The following SLC1A3 variants were observed in gnomAD, a reference collection of about 807,000 sequenced individuals.
The protein encoded by SLC1A3 is excitatory amino acid transporter 1.
SLC1A3 carries 21 observed loss-of-function variants against 48.1 expected under a neutral mutation model. The observed-to-expected ratio is 0.44, with a 90% CI of 0.31 to 0.63. The LOEUF is 0.63. SLC1A3 is among the 20% of genes least tolerant of loss of function. The probability of loss-of-function intolerance (pLI) is 0.08; values close to 1 mark genes in which losing one functional copy is unlikely to be tolerated. For missense variants in SLC1A3, 546 were observed against 689.0 expected (o/e 0.79, Z 2.32); for synonymous variants, 239 against 251.4 (o/e 0.95, Z 0.47).
intron 3 of SLC1A3, among the ~76,000 whole-genome samples, chr5:36,651,140 T>G (rs865924748): frequency 0.011 from 565 of 52,372 alleles, 6 homozygotes; most frequent in African/African-American, 0.038. Flanking sequence ...TAAGTTTTTT[T>G]TAAAAAAAAA....
chr5:36,627,542 T>C (rs1009364474), intron 2 of SLC1A3, among the ~76,000 whole-genome samples: 1 of 151,600 alleles, frequency 6.6e-6, no homozygotes, highest in African/African-American at 2.4e-5. Flanking sequence ...ATATTCATCA[T>C]GATATGCTTC....
chr5:36,627,833 T>C (rs1424672635), intron 2 of SLC1A3, among the ~76,000 whole-genome samples: 4 of 152,228 alleles, frequency 2.6e-5, no homozygotes, highest in Non-Finnish European at 5.9e-5. Flanking sequence ...TGTCTGTTTT[T>C]AAATCCTAGC....
chr5:36,608,780 A>G, intron 2 of SLC1A3, 176 bp downstream of exon 2: 1 of 1,432,100 alleles, frequency 7.0e-7, no homozygotes, highest in Admixed American at 2.9e-5. Flanking sequence ...GTTTGGAGCA[A>G]TATATAGTAA....
intron 9 of SLC1A3, among the ~76,000 whole-genome samples, chr5:36,684,270 G>A (rs562356226): frequency 4.6e-5 from 7 of 152,334 alleles, no homozygotes; most frequent in Middle Eastern, 3.4e-3. Context: ...TGGGAAACCC[G>A]CTGTCTGCAA....
intron 6 of SLC1A3, among the ~76,000 whole-genome samples, chr5:36,679,388 G>T (rs1474504232): frequency 6.6e-6 from 1 of 152,158 alleles, no homozygotes; most frequent in South Asian, 2.1e-4. Flanking sequence ...GCAATTCTCA[G>T]TGAGGGGAAA....
intron 3 of SLC1A3, chr5:36,666,393 CTAAAA>C (rs895573465): frequency 5.9e-5 from 9 of 152,154 alleles, no homozygotes; most frequent in African/African-American, 2.2e-4. Context: ...AGGGGTACAT[CTAAAA>C]TAAAATAAAA....
intron 3 of SLC1A3, among the ~76,000 whole-genome samples, chr5:36,644,616 C>T (rs1297042227): frequency 6.6e-6 from 1 of 152,078 alleles, no homozygotes; most frequent in Non-Finnish European, 1.5e-5. Flanking sequence ...AAAAATAAGG[C>T]AGATATAAAT....
chr5:36,609,894 A>G (rs961489044), intron 2 of SLC1A3, among the ~76,000 whole-genome samples: 1 of 152,064 alleles, frequency 6.6e-6, no homozygotes, highest in African/African-American at 2.4e-5. Flanking sequence ...CTCATTTGTC[A>G]CTCTGAATCA....
chr5:36,604,865 C>A (rs1738861254), upstream of SLC1A3, among the ~76,000 whole-genome samples: 2 of 130,586 alleles, frequency 1.5e-5, no homozygotes, highest in South Asian at 5.2e-4. Flanking sequence ...AGTTCCCTTG[C>A]AATACAAGTC....
intron 3 of SLC1A3, among the ~76,000 whole-genome samples, chr5:36,640,679 G>A (rs1272338028): frequency 6.6e-6 from 1 of 152,144 alleles, no homozygotes; most frequent in Admixed American, 6.5e-5. Context: ...TAAAAGAAGA[G>A]TAAGATGATC....
rs753379642 is a variant in SLC1A3 at position 36,680,473 on chromosome 5, C to G, written c.1173C>G (p.Leu391=). The change falls in exon 8 of 10, where the codon CTC becomes CTG. Residue 391 remains leucine, a synonymous_variant. Transcript: ENST00000265113. The stretch of plus-strand genomic sequence containing the variant: ...ACAAGCGCGTCACCAGATTCGTGCT[C>G]CCCGTAGGAGCCACCATTAACATGG... ...GVDKRVTRFV[L]PVGATINMDG... 2 of 1,614,174 alleles carry G rather than the reference C, an allele frequency of 1.2e-6. No homozygotes were observed. Among genetic ancestry groups the G allele is most frequent in the East Asian group, 2.2e-5 (1 of 44,882 alleles).
At chr5:36,659,211 A>G (rs573238433) in intron 3 of SLC1A3, among the ~76,000 whole-genome samples, 1 of 152,316 alleles carries the variant, frequency 6.6e-6, no homozygotes, top group Admixed American at 6.5e-5. Context: ...GCCACTTATT[A>G]GCTGTGTGAT....
intron 3 of SLC1A3, among the ~76,000 whole-genome samples, chr5:36,644,191 G>A (rs771599109): frequency 3.3e-5 from 5 of 151,746 alleles, no homozygotes; most frequent in Non-Finnish European, 5.9e-5. Context: ...AAATACAGTG[G>A]GATGTCGTTA....
chr5:36,686,379 C>G lies in SLC1A3; in HGVS notation c.*110C>G. 1 of 896,564 alleles carries G rather than the reference C, an allele frequency of 1.1e-6. No individual in the cohort carries two copies. The highest frequency in any genetic ancestry group is 1.8e-6 in the Non-Finnish European group (1 of 544,200). The allele number at this position is 896,564 out of a possible 1,614,324, so 55.5% of individuals were successfully genotyped here. A position where few individuals can be genotyped will look rare whatever the true frequency, so the allele number is the denominator to read the frequency against. ...CAGCAAGCCCGTCATCTTCCCTTTC[C>G]TCCCTTCTGATAAGACTGGAAAATA... On this transcript the variant is annotated 3_prime_UTR_variant, in exon 10 of 10. Coordinates refer to ENST00000265113, the MANE Select transcript of SLC1A3 (RefSeq NM_004172.5).
chr5:36,607,355 GATT>G (rs1262208157), intron 1 of SLC1A3: 3 of 152,156 alleles, frequency 2.0e-5, no homozygotes, highest in Non-Finnish European at 2.9e-5. Flanking sequence ...AAGGGCTATG[GATT>G]AGAGCTCCTG....
upstream of SLC1A3, among the ~76,000 whole-genome samples, chr5:36,602,012 T>C (rs1434220064): frequency 6.6e-6 from 1 of 152,030 alleles, no homozygotes; most frequent in African/African-American, 2.4e-5. Flanking sequence ...ACAGGGAGAA[T>C]TGCAGCACAA....
At chr5:36,664,232 C>T (rs973446060) in intron 3 of SLC1A3, among the ~76,000 whole-genome samples, 11 of 152,288 alleles carry the variant, frequency 7.2e-5, no homozygotes, top group African/African-American at 2.6e-4. Context: ...CTCCCAGGTT[C>T]GAGGGATTCT....
At chr5:36,644,026 TAAATAAATA>T (rs1740737424) in intron 3 of SLC1A3, among the ~76,000 whole-genome samples, 1 of 93,908 alleles carries the variant, frequency 1.1e-5, no homozygotes, top group African/African-American at 3.1e-5. Flanking sequence ...AATAAATAAA[TAAATAAATA>T]AATAAATAAA....
intron 3 of SLC1A3, among the ~76,000 whole-genome samples, chr5:36,639,642 CCTCCCAAAATTATT>C (rs1430925120): frequency 1.3e-5 from 2 of 152,168 alleles, no homozygotes. Context: ...TGCTAAATTA[CCTCCCAAAATTATT>C]CTCCCAAAAG....
Sources: allele counts gnomAD v4.1 joint callset (sites outside exome capture counted in the v4.1 genomes callset), GRCh38; gene constraint gnomAD v4.1.1; transcripts MANE v1.5; gene names NCBI Gene and HGNC (gene_info 2026-07-23, HGNC 2026-07-21).